Variants in SYT14 observed in about 807,000 individuals in gnomAD.
SYT14 encodes synaptotagmin-14.
In SYT14, 32 loss-of-function variants were observed where a neutral mutation model predicts 74.2. The observed-to-expected ratio is 0.43, with a 90% CI of 0.33 to 0.58. The LOEUF (loss-of-function observed/expected upper bound fraction) is 0.58. Ranked by LOEUF, SYT14 falls within the 20% of genes least tolerant of loss-of-function variation. The pLI, the probability that SYT14 is intolerant of heterozygous loss-of-function variation, is 0.05. For missense variants in SYT14, 791 were observed against 981.8 expected (o/e 0.81, Z 2.60); for synonymous variants, 298 against 337.7 (o/e 0.88, Z 1.29).
intron 5 of SYT14, among the ~76,000 whole-genome samples, chr1:210,049,556 A>T (rs1028390210): frequency 6.6e-6 from 1 of 151,554 alleles, no homozygotes; most frequent in African/African-American, 2.4e-5. Context: ...TACGTTAGGT[A>T]TTTCTCCTAA....
At chr1:210,072,132 G>GATAGAT (rs1553274496) in intron 5 of SYT14, among the ~76,000 whole-genome samples, 13 of 146,270 alleles carry the variant, frequency 8.9e-5, no homozygotes, top group African/African-American at 3.2e-4. Flanking sequence ...GTTAATTAAA[G>GATAGAT]ATATATATAT....
chr1:210,039,306 A>C (rs2080734755), intron 5 of SYT14, among the ~76,000 whole-genome samples: 1 of 152,052 alleles, frequency 6.6e-6, no homozygotes, highest in Non-Finnish European at 1.5e-5. Flanking sequence ...CAGTGTAGCC[A>C]AGAGCTATAA....
At chr1:209,970,205 A>G (rs2079227333) in intron 2 of SYT14, among the ~76,000 whole-genome samples, 2 of 152,130 alleles carry the variant, frequency 1.3e-5, no homozygotes, top group Non-Finnish European at 2.9e-5. Context: ...CAGAATTTAC[A>G]TTTAAGTCTT....
chr1:210,059,364 C>A (rs2102405466), intron 5 of SYT14, among the ~76,000 whole-genome samples: 1 of 149,430 alleles, frequency 6.7e-6, no homozygotes, highest in East Asian at 2.0e-4. Context: ...TTGACAAATT[C>A]TCTTACTCAA....
At chr1:209,976,906 A>G (rs1297711583) in intron 2 of SYT14, among the ~76,000 whole-genome samples, 6 of 152,138 alleles carry the variant, frequency 3.9e-5, no homozygotes, top group African/African-American at 7.2e-5. Context: ...GGGTGCATAT[A>G]TATTTAGGAT....
exon 10 of SYT14, chr1:210,164,280 C>A (rs1222205104): frequency 1.7e-5 from 4 of 233,428 alleles, no homozygotes; most frequent in Middle Eastern, 1.9e-3. Flanking sequence ...TAAATTGGAC[C>A]ACAATTAAAA....
chr1:209,955,984 G>T (rs1039880598), intron 2 of SYT14, among the ~76,000 whole-genome samples: 14 of 152,146 alleles, frequency 9.2e-5, no homozygotes, highest in Non-Finnish European at 1.6e-4. Context: ...AATATTGTTT[G>T]CAGTAAAGCC....
At chr1:210,159,787 G>A (rs2083336880) in intron 9 of SYT14, among the ~76,000 whole-genome samples, 2 of 151,992 alleles carry the variant, frequency 1.3e-5, no homozygotes, top group Admixed American at 1.3e-4. Context: ...AAAATTAATT[G>A]AAATTTTGAT....
intron 2 of SYT14, among the ~76,000 whole-genome samples, chr1:209,963,026 A>G (rs2079100931): frequency 6.6e-6 from 1 of 152,148 alleles, no homozygotes; most frequent in South Asian, 2.1e-4. Context: ...ACCCTTCTGC[A>G]TTATTCAGTT....
intron 7 of SYT14, among the ~76,000 whole-genome samples, chr1:210,140,639 TAA>T (rs1215774195): frequency 6.6e-6 from 1 of 152,204 alleles, no homozygotes; most frequent in Non-Finnish European, 1.5e-5. Flanking sequence ...TTTTAGCTCT[TAA>T]ATTTAGGACT....
intron 5 of SYT14, among the ~76,000 whole-genome samples, chr1:210,067,170 G>C (rs1311311482): frequency 6.6e-6 from 1 of 151,908 alleles, no homozygotes; most frequent in Non-Finnish European, 1.5e-5. Flanking sequence ...CTGTCCTCTT[G>C]CCAGTACCAC....
chr1:210,046,996 G>A (rs147385941), intron 5 of SYT14, among the ~76,000 whole-genome samples: 1 of 152,142 alleles, frequency 6.6e-6, no homozygotes, highest in Non-Finnish European at 1.5e-5. Flanking sequence ...GATGGACCCA[G>A]AAATCAAACC....
intron 7 of SYT14, among the ~76,000 whole-genome samples, chr1:210,106,105 T>C (rs1405524678): frequency 1.3e-5 from 2 of 152,218 alleles, no homozygotes; most frequent in Non-Finnish European, 1.5e-5. Flanking sequence ...TGAAAGAATC[T>C]AAGGCACCAT....
chr1:210,050,292 A>G (rs1251232562), intron 5 of SYT14, among the ~76,000 whole-genome samples: 1 of 152,216 alleles, frequency 6.6e-6, no homozygotes, highest in Non-Finnish European at 1.5e-5. Context: ...AAACATAACA[A>G]GAGTCACCTT....
chr1:209,975,255 T>C (rs1368750234), intron 2 of SYT14, among the ~76,000 whole-genome samples: 3 of 151,954 alleles, frequency 2.0e-5, no homozygotes, highest in South Asian at 2.1e-4. Flanking sequence ...CTAATAGGAG[T>C]GGTGAGAGAG....
chr1:209,967,096 A>C (rs1230217202), intron 2 of SYT14, among the ~76,000 whole-genome samples: 2 of 152,158 alleles, frequency 1.3e-5, no homozygotes, highest in African/African-American at 4.8e-5. Context: ...TATGATTTTA[A>C]AACTTTTTTT....
At chr1:210,163,123 T>C (rs1289187020) in exon 10 of SYT14, 2 of 453,442 alleles carry the variant, frequency 4.4e-6, no homozygotes, top group Admixed American at 2.4e-5. Context: ...TGCTAACAAC[T>C]GTTATCTTCC....
Position 210,087,033 on chromosome 1 carries a change from C to A in SYT14, c.1313-7289C>A, listed in dbSNP as rs1279829473. Among the ~76,000 whole-genome samples the A allele has an allele frequency of 2.6e-5, 4 of 152,286 alleles. No homozygotes were observed. In the South Asian group the frequency reaches 6.2e-4, roughly 24 times the overall value. On this transcript the variant is annotated intron_variant, in intron 5 of 9. Coordinates refer to ENST00000637265, the Ensembl canonical transcript of SYT14. ...GTTTGGATATCTCATGCTGCCTTTC[C>A]CACTTGTGGGTGTCCTCATGACCAG... is the stretch of plus-strand genomic sequence containing the variant.
chr1:210,051,283 C>A (rs1041557885), intron 5 of SYT14, among the ~76,000 whole-genome samples: 1 of 152,182 alleles, frequency 6.6e-6, no homozygotes, highest in African/African-American at 2.4e-5. Flanking sequence ...TGTTTGTCCT[C>A]AGAATATATC....
Sources: gnomAD v4.1 joint callset for allele counts (sites outside exome capture counted in the v4.1 genomes callset) on GRCh38, gnomAD v4.1.1 for gene constraint, MANE v1.5 for transcripts, NCBI Gene and HGNC (gene_info 2026-07-23, HGNC 2026-07-21) for gene names.